ARID4A: variants seen among roughly 807,000 people sequenced by gnomAD.
ARID4A encodes AT-rich interactive domain-containing protein 4A.
ARID4A carries 39 observed loss-of-function variants against 148.6 expected under a neutral mutation model. The ratio of observed to expected loss-of-function variants is 0.26; its 90% CI spans 0.20 to 0.34. The LOEUF (loss-of-function observed/expected upper bound fraction) is 0.34, where lower values mean the gene tolerates loss of function less well. Among genes scored for constraint, ARID4A ranks in the 10% least tolerant of loss-of-function variants. The probability of loss-of-function intolerance (pLI) is 1.00; values close to 1 mark genes in which losing one functional copy is unlikely to be tolerated. For synonymous variants in ARID4A, 475 were observed against 481.2 expected, an observed-to-expected ratio of 0.99 and a Z score of 0.17; for missense variants, 1,265 against 1,449.1, an observed-to-expected ratio of 0.87 and a Z score of 2.06.
intron 5 of ARID4A, among the ~76,000 whole-genome samples, chr14:58,308,178 A>G (rs879501286): frequency 2.0e-5 from 3 of 152,176 alleles, no homozygotes; most frequent in South Asian, 4.1e-4. Flanking sequence ...AGCATTCTCT[A>G]TGGTGATTTT....
intron 5 of ARID4A, among the ~76,000 whole-genome samples, chr14:58,317,420 G>C (rs2032515947): frequency 6.7e-6 from 1 of 148,856 alleles, no homozygotes; most frequent in African/African-American, 2.5e-5. Context: ...GAGTAGCTGG[G>C]ACTACAGGCG....
rs747644233 is a variant in ARID4A at position 58,305,020 on chromosome 14, T to G, written c.183+11T>G. The G allele has an allele frequency of 3.0e-5, 47 of 1,582,798 alleles. No homozygotes were observed. In the South Asian group the frequency reaches 5.5e-4, roughly 18 times the overall value. ...AAGGGTCCTTTAAGAGTATGTATGT[T>G]GTACGGTTTAAAATCTGAAATAATC... On this transcript the variant is annotated intron_variant, in intron 4 of 23. Transcript: ENST00000355431.
In ARID4A at chr14:58,323,526, A is replaced by G. The variant is rs1428175759; in HGVS notation, c.491A>G (p.Asp164Gly). 1.2e-6 allele frequency: 2 copies of G among 1,614,062 alleles called. No homozygotes were observed. Among genetic ancestry groups the G allele is most frequent in the African/African-American group, 1.3e-5 (1 of 74,946 alleles). Residue 164 changes from aspartate to glycine, a missense_variant, in exon 8 of 24, where the codon GAT becomes GGT. Asp to Gly is a moderately conservative substitution (Grantham distance 94, BLOSUM62 -1). Transcript: ENST00000355431. ...EKEEESSEEEDEDKRRLNDEL... is the reference protein window; with the variant it reads ...EKEEESSEEEGEDKRRLNDEL... ...GAAGAAGAAAGCAGTGAAGAGGAAG[A>G]TGAAGACAAGCGCCGTCTCAATGAT...
intron 8 of ARID4A, among the ~76,000 whole-genome samples, chr14:58,324,716 AT>A (rs1352381776): frequency 6.6e-6 from 1 of 152,094 alleles, no homozygotes; most frequent in African/African-American, 2.4e-5. Flanking sequence ...CTCTCAATTT[AT>A]TTCCTATTTT....
chr14:58,300,322 A>G lies in ARID4A; in HGVS notation c.6+462A>G, dbSNP rs958017629. Among the ~76,000 whole-genome samples, 6 of 152,236 alleles carry G rather than the reference A, an allele frequency of 3.9e-5. No individual in the cohort carries two copies. The East Asian group carries it at 7.7e-4, about 20-fold the overall frequency. ...TGGCTAAAATATTTGAAGTTGAAGTATAATAATAGTTTTAGTTAAATCTTT... is the reference window on the plus strand; with the variant it reads ...TGGCTAAAATATTTGAAGTTGAAGTGTAATAATAGTTTTAGTTAAATCTTT... On this transcript the variant is annotated intron_variant, in intron 2 of 23. Coordinates refer to ENST00000355431, the MANE Select transcript of ARID4A (RefSeq NM_002892.4).
At chr14:58,331,738 A>T (rs2033530829) in intron 11 of ARID4A, among the ~76,000 whole-genome samples, 2 of 152,284 alleles carry the variant, frequency 1.3e-5, no homozygotes, top group South Asian at 4.1e-4. Context: ...ATAATGAGAC[A>T]GTTTGGCAAA....
intron 17 of ARID4A, among the ~76,000 whole-genome samples, chr14:58,357,124 A>G (rs1207658098): frequency 2.6e-5 from 4 of 152,318 alleles, no homozygotes; most frequent in South Asian, 2.1e-4. Context: ...AGTGTATTCA[A>G]TAAATTACAT....
At chr14:58,350,568 T>G (rs2034589889) in intron 15 of ARID4A, among the ~76,000 whole-genome samples, 1 of 152,222 alleles carries the variant, frequency 6.6e-6, no homozygotes, top group Admixed American at 6.5e-5. Context: ...AATTCAGTCC[T>G]TTAAAAATGT....
At chr14:58,348,130 C>CGGAAA (rs2034462101) in intron 15 of ARID4A, among the ~76,000 whole-genome samples, 1 of 152,056 alleles carries the variant, frequency 6.6e-6, no homozygotes, top group Non-Finnish European at 1.5e-5. Context: ...ATTCCTTTTC[C>CGGAAA]AGTCTTCTGC....
At chr14:58,320,205 C>G (rs1429815762) in intron 7 of ARID4A, among the ~76,000 whole-genome samples, 1 of 152,156 alleles carries the variant, frequency 6.6e-6, no homozygotes, top group Admixed American at 6.5e-5. Context: ...CTCAGCCTCC[C>G]AAAGTGTTGG....
intron 5 of ARID4A, among the ~76,000 whole-genome samples, chr14:58,313,301 T>C (rs2032182113): frequency 6.6e-6 from 1 of 152,174 alleles, no homozygotes; most frequent in South Asian, 2.1e-4. Context: ...ATGGAAGTGC[T>C]GGGGGATGGT....
chr14:58,359,307 G>T lies in ARID4A; in HGVS notation c.1938+91G>T, dbSNP rs370062151. ...TTTAAGACTTTAAGAACAGTTTTAG[G>T]TTTATACCAAGATTGAGAGCAAGGT... is the stretch of plus-strand genomic sequence containing the variant. On this transcript the variant is annotated intron_variant, in intron 18 of 23. Transcript: ENST00000355431. 9.4e-6 allele frequency: 12 copies of T among 1,271,932 alleles called. 1 individual carries two copies. Among genetic ancestry groups the T allele is most frequent in the East Asian group, 5.0e-5 (2 of 40,372 alleles). 78.8% of individuals were successfully genotyped at this position (1,271,932 alleles called of 1,614,324 possible).
chr14:58,359,351 C>A, intron 18 of ARID4A, 135 bp downstream of exon 18: 1 of 718,394 alleles, frequency 1.4e-6, no homozygotes, highest in Non-Finnish European at 2.2e-6. Flanking sequence ...CTCCCATATA[C>A]TCTCTGCCCC....
intron 8 of ARID4A, among the ~76,000 whole-genome samples, chr14:58,326,175 T>C (rs997615540): frequency 1.3e-5 from 2 of 152,082 alleles, no homozygotes; most frequent in African/African-American, 4.8e-5. Context: ...AAAAATAGCA[T>C]GCCTGTAATC....
At chr14:58,371,387 T>C (rs752537622) in intron 23 of ARID4A, among the ~76,000 whole-genome samples, 1 of 152,212 alleles carries the variant, frequency 6.6e-6, no homozygotes, top group Non-Finnish European at 1.5e-5. Flanking sequence ...TGTTATGTCC[T>C]CCTGGAGAAA....
intron 16 of ARID4A, among the ~76,000 whole-genome samples, chr14:58,352,556 T>C (rs779191989): frequency 4.8e-4 from 73 of 152,198 alleles, no homozygotes; most frequent in Non-Finnish European, 9.0e-4. Flanking sequence ...TTTCACAGAC[T>C]TGAATGTAAG....
chr14:58,371,496 GTTAAA>G (rs2035612726), intron 23 of ARID4A, among the ~76,000 whole-genome samples: 2 of 152,244 alleles, frequency 1.3e-5, no homozygotes, highest in Non-Finnish European at 2.9e-5. Flanking sequence ...AATCCTCTGA[GTTAAA>G]TTAATTCTCT....
At chr14:58,351,482 T>A in intron 16 of ARID4A, 159 bp downstream of exon 16, 1 of 975,120 alleles carries the variant, frequency 1.0e-6, no homozygotes, top group Non-Finnish European at 1.5e-6. Context: ...TGATGTGTAT[T>A]GCCTTTCGGA....
chr14:58,333,903 A>C (rs1304914681), intron 11 of ARID4A, among the ~76,000 whole-genome samples: 1 of 152,150 alleles, frequency 6.6e-6, no homozygotes, highest in Non-Finnish European at 1.5e-5. Context: ...CTAATAACTT[A>C]AGTTGCCAAT....
Sources: gnomAD v4.1 joint callset for allele counts (sites outside exome capture counted in the v4.1 genomes callset) on GRCh38, gnomAD v4.1.1 for gene constraint, MANE v1.5 for transcripts, NCBI Gene and HGNC (gene_info 2026-07-23, HGNC 2026-07-21) for gene names.